The following MYBL1 variants were observed in gnomAD, a reference collection of about 807,000 sequenced individuals.
MYBL1 encodes MYB proto-oncogene like 1.
Under a neutral mutation model 96.3 loss-of-function variants are expected in MYBL1, and 17 were observed. That is an observed-to-expected ratio of 0.18 (90% CI 0.12 to 0.26). The LOEUF (loss-of-function observed/expected upper bound fraction) is 0.26, where lower values mean the gene tolerates loss of function less well. Among genes scored for constraint, MYBL1 ranks in the 10% least tolerant of loss-of-function variants. The pLI is 1.00. For missense variants in MYBL1, 701 were observed against 882.9 expected, an observed-to-expected ratio of 0.79 and a Z score of 2.61; for synonymous variants, 282 against 292.7, an observed-to-expected ratio of 0.96 and a Z score of 0.37.
At chr8:66,592,084 G>A (rs1480189863) in intron 8 of MYBL1, among the ~76,000 whole-genome samples, 2 of 151,806 alleles carry the variant, frequency 1.3e-5, no homozygotes, top group African/African-American at 2.4e-5. Flanking sequence ...TGAGCAACAC[G>A]GTGAAACCCC....
rs1278804778 is a variant in MYBL1 at position 66,565,953 on chromosome 8, T to C, written c.2130+111A>G. The stretch of plus-strand genomic sequence containing the variant: ...ATAATGGTAAATGTTTAGTTACTGT[T>C]ACAATCAATTTTGAATTTAAAAGAA... On this transcript the variant is annotated intron_variant, in intron 15 of 15. Coordinates refer to ENST00000522677, the MANE Select transcript of MYBL1 (RefSeq NM_001080416.4). 3.8e-6 allele frequency: 3 copies of C among 788,004 alleles called. No homozygotes were observed. In the African/African-American group the frequency reaches 5.4e-5, roughly 14 times the overall value. 48.8% of individuals were successfully genotyped at this position (788,004 alleles called of 1,614,324 possible).
intron 7 of MYBL1, 83 bp downstream of exon 7, chr8:66,593,037 T>C (rs1025562043): frequency 8.5e-6 from 7 of 821,486 alleles, no homozygotes; most frequent in African/African-American, 3.5e-5. Flanking sequence ...ACTAGTTTAA[T>C]AGATGAGGAA....
intron 8 of MYBL1, among the ~76,000 whole-genome samples, chr8:66,588,216 C>T (rs1484777325): frequency 2.0e-5 from 3 of 150,400 alleles, no homozygotes; most frequent in South Asian, 4.2e-4. Flanking sequence ...ACAAATAGGG[C>T]GATAACTGGG....
chr8:66,567,869 C>G (rs1808568690), intron 12 of MYBL1, among the ~76,000 whole-genome samples: 1 of 151,866 alleles, frequency 6.6e-6, no homozygotes, highest in Non-Finnish European at 1.5e-5. Context: ...CATGATCATC[C>G]TGGCCAACAT....
At chr8:66,602,056 T>G (rs1053815573) in intron 2 of MYBL1, among the ~76,000 whole-genome samples, 13 of 152,286 alleles carry the variant, frequency 8.5e-5, no homozygotes, top group Admixed American at 3.3e-4. Context: ...CAGCATTTTT[T>G]TTTTGTTTTT....
chr8:66,602,353 A>G (rs1015434603), intron 2 of MYBL1, 65 bp downstream of exon 2: 3 of 1,139,574 alleles, frequency 2.6e-6, no homozygotes, highest in Non-Finnish European at 3.7e-6. Context: ...ACCTGGCCGT[A>G]TAACTATAGC....
intron 4 of MYBL1, among the ~76,000 whole-genome samples, chr8:66,598,381 T>C (rs528333501): frequency 6.6e-6 from 1 of 152,190 alleles, no homozygotes; most frequent in African/African-American, 2.4e-5. Flanking sequence ...CTGGGCAACA[T>C]AGCGAGATTC....
chr8:66,608,809 A>C (rs768472307), intron 1 of MYBL1, among the ~76,000 whole-genome samples: 1 of 152,116 alleles, frequency 6.6e-6, no homozygotes, highest in Non-Finnish European at 1.5e-5. Context: ...TTCCTAGCCT[A>C]GTGTAATTAT....
intron 9 of MYBL1, among the ~76,000 whole-genome samples, chr8:66,576,912 G>C (rs1415243150): frequency 6.6e-6 from 1 of 152,108 alleles, no homozygotes; most frequent in Non-Finnish European, 1.5e-5. Flanking sequence ...GGGATGCAAG[G>C]CTGGTTCAAT....
chr8:66,610,835 T>C (rs1354609355), intron 1 of MYBL1, among the ~76,000 whole-genome samples: 5 of 152,156 alleles, frequency 3.3e-5, no homozygotes, highest in Non-Finnish European at 7.4e-5. Flanking sequence ...TGATAATTTC[T>C]CCCCACATCC....
At chr8:66,602,616 A>G (rs1212160974) in intron 1 of MYBL1, 93 bp from the exon 2 acceptor site, 2 of 694,380 alleles carry the variant, frequency 2.9e-6, no homozygotes, top group African/African-American at 1.8e-5. Context: ...GACTGAAGAA[A>G]TCATACAGAC....
intron 8 of MYBL1, among the ~76,000 whole-genome samples, chr8:66,587,852 T>C (rs1008584422): frequency 1.3e-5 from 2 of 152,172 alleles, no homozygotes; most frequent in Admixed American, 6.6e-5. Context: ...AACTGCCATA[T>C]GGTAGACAGC....
intron 10 of MYBL1, 109 bp from the exon 11 acceptor site, chr8:66,573,615 C>G: frequency 1.0e-6 from 1 of 995,092 alleles, no homozygotes; most frequent in African/African-American, 1.6e-5. Flanking sequence ...TTAAAAAAAG[C>G]TTATGAATAA....
chr8:66,575,682 T>G (rs1005857198), intron 10 of MYBL1, among the ~76,000 whole-genome samples: 1 of 151,638 alleles, frequency 6.6e-6, no homozygotes, highest in African/African-American at 2.4e-5. Context: ...CCAGGCTACT[T>G]GGGGGGCTGA....
intron 1 of MYBL1, among the ~76,000 whole-genome samples, chr8:66,606,901 C>CTT (rs1034005696): frequency 2.0e-5 from 3 of 152,088 alleles, no homozygotes; most frequent in African/African-American, 7.2e-5. Context: ...AGCAATTCTC[C>CTT]TTCCTCAGCC....
intron 11 of MYBL1, 143 bp from the exon 12 acceptor site, chr8:66,572,739 T>G: frequency 2.5e-6 from 1 of 403,824 alleles, no homozygotes; most frequent in East Asian, 3.5e-5. Flanking sequence ...TATTTTAAAG[T>G]ATGCCCACCT....
chr8:66,572,965 A>C lies in MYBL1; in HGVS notation c.1614-369T>G, dbSNP rs553187350. 3.3e-5 allele frequency among the ~76,000 whole-genome samples: 5 copies of C among 152,274 alleles called. No homozygotes were observed. The East Asian group carries it at 9.7e-4, about 29-fold the overall frequency. The stretch of plus-strand genomic sequence containing the variant: ...CACAGTGGCTCACACCTATAATCCC[A>C]GCACTTTGGGAGGCTGAGATGGGCA... On this transcript the variant is annotated intron_variant, in intron 11 of 15. Transcript: ENST00000522677.
intron 4 of MYBL1, 128 bp downstream of exon 4, chr8:66,598,922 A>C (rs1265455391): frequency 2.1e-6 from 1 of 484,486 alleles, no homozygotes; most frequent in African/African-American, 2.0e-5. Flanking sequence ...TTCAATTCTT[A>C]TGCAAGTAGC....
intron 15 of MYBL1, chr8:66,565,498 G>GA (rs1808469032): frequency 6.6e-6 from 1 of 152,188 alleles, no homozygotes; most frequent in Non-Finnish European, 1.5e-5. Flanking sequence ...GAATACTAGT[G>GA]CTGCAGTCAC....
Sources: gnomAD v4.1 joint callset for allele counts (sites outside exome capture counted in the v4.1 genomes callset) on GRCh38, gnomAD v4.1.1 for gene constraint, MANE v1.5 for transcripts, NCBI Gene and HGNC (gene_info 2026-07-23, HGNC 2026-07-21) for gene names.